Variants in HS2ST1 observed in about 807,000 individuals in gnomAD.
HS2ST1 encodes the protein 2-O-sulfotransferase.
Under a neutral mutation model 42.9 loss-of-function variants are expected in HS2ST1, and 18 were observed. The observed-to-expected ratio is 0.42, with a 90% confidence interval of 0.29 to 0.62. The LOEUF is 0.62. Ranked by LOEUF, HS2ST1 falls within the 20% of genes least tolerant of loss-of-function variation. HS2ST1 has a pLI of 0.21. For synonymous variants in HS2ST1, 146 were observed against 152.9 expected (o/e 0.95, Z 0.33); for missense variants, 334 against 433.8 (o/e 0.77, Z 2.04).
chr1:87,039,324 C>T (rs1460544187), intron 1 of HS2ST1, among the ~76,000 whole-genome samples: 6 of 152,194 alleles, frequency 3.9e-5, no homozygotes, highest in Admixed American at 1.3e-4. Flanking sequence ...CACTAAGAAC[C>T]GGTCAGGGCG....
intron 1 of HS2ST1, among the ~76,000 whole-genome samples, chr1:87,066,304 A>G (rs1284256400): frequency 6.6e-6 from 1 of 152,210 alleles, no homozygotes; most frequent in Non-Finnish European, 1.5e-5. Context: ...TAGAATTGCC[A>G]TGGAGCTAAG....
At chr1:87,023,622 C>T (rs1360590120) in intron 1 of HS2ST1, among the ~76,000 whole-genome samples, 2 of 152,040 alleles carry the variant, frequency 1.3e-5, no homozygotes, top group African/African-American at 4.8e-5. Flanking sequence ...AGGACAAGAA[C>T]TGTATTTTAT....
intron 1 of HS2ST1, among the ~76,000 whole-genome samples, chr1:86,964,141 A>G (rs1647961090): frequency 6.6e-6 from 1 of 150,958 alleles, no homozygotes; most frequent in Admixed American, 6.6e-5. Flanking sequence ...GACGCTCCTC[A>G]CTTCCTAGAC....
chr1:87,058,762 A>G (rs1651042132), intron 1 of HS2ST1, among the ~76,000 whole-genome samples: 2 of 151,610 alleles, frequency 1.3e-5, no homozygotes, highest in African/African-American at 4.9e-5. Context: ...AGTAATGTAC[A>G]TTTAAACATG....
At chr1:86,960,412 C>T (rs1214651800) in intron 1 of HS2ST1, among the ~76,000 whole-genome samples, 1 of 152,074 alleles carries the variant, frequency 6.6e-6, no homozygotes, top group Non-Finnish European at 1.5e-5. Context: ...AAGCATACTC[C>T]ATGAAAGAAA....
intron 1 of HS2ST1, among the ~76,000 whole-genome samples, chr1:86,946,479 A>G (rs1364434781): frequency 6.6e-6 from 1 of 152,240 alleles, no homozygotes; most frequent in Non-Finnish European, 1.5e-5. Flanking sequence ...CCATAACAGT[A>G]CATGATTATG....
intron 1 of HS2ST1, among the ~76,000 whole-genome samples, chr1:87,066,902 C>T (rs1175756937): frequency 2.0e-5 from 3 of 152,180 alleles, no homozygotes; most frequent in Non-Finnish European, 4.4e-5. Flanking sequence ...GACATGGACT[C>T]ATCCTTTTTA....
chr1:86,932,360 T>G (rs1024127217), intron 1 of HS2ST1: 1 of 152,058 alleles, frequency 6.6e-6, no homozygotes, highest in South Asian at 2.1e-4. Context: ...ACAGACGGAA[T>G]AAATTTAATG....
intron 1 of HS2ST1, among the ~76,000 whole-genome samples, chr1:86,980,045 A>G (rs1570460929): frequency 6.6e-6 from 1 of 152,232 alleles, no homozygotes; most frequent in Admixed American, 6.5e-5. Flanking sequence ...AAAAAGCTCA[A>G]TGTATTTGTT....
At chr1:86,993,067 A>C in intron 1 of HS2ST1, 1 of 1,590,424 alleles carries the variant, frequency 6.3e-7, no homozygotes, top group Non-Finnish European at 8.6e-7. Flanking sequence ...GAAGGTCACC[A>C]AGTCTTTCCT....
chr1:86,997,451 A>T (rs1649137308), intron 1 of HS2ST1, among the ~76,000 whole-genome samples: 1 of 152,048 alleles, frequency 6.6e-6, no homozygotes, highest in African/African-American at 2.4e-5. Flanking sequence ...TCTAAAAAGT[A>T]TATCCTTTAT....
chr1:86,948,775 T>A (rs543199850), intron 1 of HS2ST1, among the ~76,000 whole-genome samples: 8 of 152,340 alleles, frequency 5.3e-5, no homozygotes, highest in Non-Finnish European at 8.8e-5. Flanking sequence ...TTATTAAAAT[T>A]TTTAGCACAT....
intron 1 of HS2ST1, among the ~76,000 whole-genome samples, chr1:87,072,233 G>A (rs1220953122): frequency 6.6e-6 from 1 of 151,968 alleles, no homozygotes; most frequent in Non-Finnish European, 1.5e-5. Context: ...AGGATTTATG[G>A]TAGTATTGTT....
chr1:87,066,244 A>C (rs1307809253), intron 1 of HS2ST1, among the ~76,000 whole-genome samples: 4 of 152,240 alleles, frequency 2.6e-5, no homozygotes, highest in African/African-American at 4.8e-5. Flanking sequence ...GACACGTGGA[A>C]AAGCATCAAG....
At chr1:87,046,934 C>G (rs962789400) in intron 1 of HS2ST1, among the ~76,000 whole-genome samples, 4 of 150,920 alleles carry the variant, frequency 2.7e-5, no homozygotes, top group Non-Finnish European at 5.9e-5. Flanking sequence ...TCTCGAACTC[C>G]TGACCGCAGG....
At chr1:86,945,944 A>G (rs1408771318) in intron 1 of HS2ST1, among the ~76,000 whole-genome samples, 3 of 152,192 alleles carry the variant, frequency 2.0e-5, no homozygotes, top group Middle Eastern at 3.2e-3. Context: ...GAGGCTCTTT[A>G]AAACAAAATT....
intron 2 of HS2ST1, among the ~76,000 whole-genome samples, chr1:87,076,278 G>T (rs1651540994): frequency 6.6e-6 from 1 of 152,140 alleles, no homozygotes; most frequent in African/African-American, 2.4e-5. Flanking sequence ...TCAGATCCTT[G>T]ATCAAAAATG....
intron 1 of HS2ST1, among the ~76,000 whole-genome samples, chr1:86,962,958 T>C (rs929133980): frequency 2.6e-5 from 4 of 152,190 alleles, no homozygotes; most frequent in African/African-American, 9.6e-5. Flanking sequence ...AAGGTAGTGA[T>C]TCTCCTCTAG....
intron 1 of HS2ST1, among the ~76,000 whole-genome samples, chr1:87,025,946 G>A (rs991822562): frequency 1.3e-5 from 2 of 152,062 alleles, no homozygotes; most frequent in Non-Finnish European, 2.9e-5. Context: ...GTTAAAGCAG[G>A]GTGGACTTGT....
Sources: gnomAD v4.1 joint callset for allele counts (sites outside exome capture counted in the v4.1 genomes callset) on GRCh38, gnomAD v4.1.1 for gene constraint, MANE v1.5 for transcripts, NCBI Gene and HGNC (gene_info 2026-07-23, HGNC 2026-07-21) for gene names.